The following FAM171A1 variants were observed in gnomAD, a reference collection of about 807,000 sequenced individuals.
FAM171A1 encodes protein FAM171A1.
A neutral mutation model predicts 74.9 loss-of-function variants in FAM171A1; 23 were observed. The ratio of observed to expected loss-of-function variants is 0.31; its 90% confidence interval spans 0.22 to 0.44. FAM171A1 has a LOEUF of 0.44. FAM171A1 is among the 20% of genes least tolerant of loss of function. FAM171A1 has a pLI of 1.00. For synonymous variants in FAM171A1, 527 were observed against 505.7 expected (o/e 1.04, Z -0.57); for missense variants, 1,162 against 1,159.2 (o/e 1.00, Z -0.03).
chr10:15,276,109 G>C (rs1834890831), intron 2 of FAM171A1, among the ~76,000 whole-genome samples, 162 bp from the exon 3 acceptor site: 1 of 152,162 alleles, frequency 6.6e-6, no homozygotes, highest in Non-Finnish European at 1.5e-5. Context: ...AATGCTACAA[G>C]TGTATTGCAG....
At chr10:15,360,429 C>T (rs1172703774) in intron 1 of FAM171A1, among the ~76,000 whole-genome samples, 4 of 152,198 alleles carry the variant, frequency 2.6e-5, no homozygotes, top group Non-Finnish European at 4.4e-5. Flanking sequence ...ACATGCTTCC[C>T]TTTTTTCCCT....
At position 15,278,229 on chromosome 10, in the gene FAM171A1, T is replaced by C. The variant is rs77705865; in HGVS notation, c.326-2282A>G. ...AGAAGCAGCCTGTGCCTTCAAGAGT[T>C]ATGCATTGCAAGGGTACTAGACTTG... On this transcript the variant is annotated intron_variant, in intron 2 of 7. Coordinates refer to ENST00000378116, the MANE Select transcript of FAM171A1 (RefSeq NM_001010924.2). Among the ~76,000 whole-genome samples, 16 of 152,308 alleles carry C rather than the reference T, an allele frequency of 1.1e-4. No homozygotes were observed. In the South Asian group the frequency reaches 2.9e-3, roughly 28 times the overall value.
At chr10:15,269,189 C>T (rs1834789403) in intron 3 of FAM171A1, among the ~76,000 whole-genome samples, 1 of 152,184 alleles carries the variant, frequency 6.6e-6, no homozygotes, top group African/African-American at 2.4e-5. Context: ...TCACGGTTCA[C>T]TGCAGCCTCG....
rs777815809 is a variant in FAM171A1, at chr10:15,214,544, C to T, written c.1044G>A (p.Leu348=). Reference sequence around the variant, plus strand: ...TGGACTGGTCTCTTTTGGAACTCTCCAGTCCTGCAGGGAGCTGCAGTTTTC... The same window carrying T: ...TGGACTGGTCTCTTTTGGAACTCTCTAGTCCTGCAGGGAGCTGCAGTTTTC... ...HHRKLQLPAG[L]ESSKRDQSTS... is the part of the protein sequence containing the mutation. Residue 348 remains leucine (L), a synonymous_variant, in exon 8 of 8, where the codon CTG becomes CTA. Transcript: ENST00000378116. The T allele has an allele frequency of 6.2e-7, 1 of 1,613,896 alleles. No individual in the cohort carries two copies. Among genetic ancestry groups the T allele is most frequent in the South Asian group, 1.1e-5 (1 of 91,020 alleles).
chr10:15,309,311 G>T (rs957980720), intron 1 of FAM171A1, among the ~76,000 whole-genome samples: 2 of 152,168 alleles, frequency 1.3e-5, no homozygotes, highest in Non-Finnish European at 2.9e-5. Flanking sequence ...AGGCTCAAGC[G>T]ATTCTCCCAC....
At chr10:15,234,648 T>C (rs11259563) in intron 5 of FAM171A1, among the ~76,000 whole-genome samples, 20,825 of 151,076 alleles carry the variant, frequency 0.14, 1,516 homozygotes, top group Middle Eastern at 0.18. Flanking sequence ...ACCGATCAGA[T>C]GTACTTTTCT....
chr10:15,329,707 T>A (rs932691535), intron 1 of FAM171A1, among the ~76,000 whole-genome samples: 1 of 150,752 alleles, frequency 6.6e-6, no homozygotes, highest in Non-Finnish European at 1.5e-5. Flanking sequence ...GGGACAGGGA[T>A]ACATATGGCC....
intron 1 of FAM171A1, among the ~76,000 whole-genome samples, chr10:15,315,246 A>C (rs1488518257): frequency 6.6e-6 from 1 of 152,144 alleles, no homozygotes; most frequent in African/African-American, 2.4e-5. Context: ...CTCTGGAGCC[A>C]AGCTGCTCTG....
At chr10:15,238,379 G>A (rs1291231345) in intron 5 of FAM171A1, among the ~76,000 whole-genome samples, 1 of 152,150 alleles carries the variant, frequency 6.6e-6, no homozygotes, top group Non-Finnish European at 1.5e-5. Flanking sequence ...CCAGAGAGGT[G>A]CCTTCGCTAC....
chr10:15,302,347 C>T (rs1193332188), intron 1 of FAM171A1, among the ~76,000 whole-genome samples: 1 of 152,094 alleles, frequency 6.6e-6, no homozygotes, highest in African/African-American at 2.4e-5. Context: ...CGCCTGTAAT[C>T]CCATCTACTT....
chr10:15,299,410 G>C (rs1248087968), intron 1 of FAM171A1, among the ~76,000 whole-genome samples: 1 of 152,178 alleles, frequency 6.6e-6, no homozygotes, highest in Non-Finnish European at 1.5e-5. Flanking sequence ...CTAAACTGGT[G>C]GGGGAAAGAT....
intron 1 of FAM171A1, among the ~76,000 whole-genome samples, chr10:15,329,641 A>G (rs977284183): frequency 2.6e-5 from 4 of 152,098 alleles, no homozygotes; most frequent in Non-Finnish European, 5.9e-5. Context: ...AAAAAAAAAA[A>G]AAAAGGATGA....
intron 1 of FAM171A1, among the ~76,000 whole-genome samples, chr10:15,345,649 G>A (rs1835809883): frequency 6.6e-6 from 1 of 152,150 alleles, no homozygotes. Context: ...GAGGGGGCTG[G>A]GAAGTGAAGC....
At chr10:15,274,205 A>G (rs533022185) in intron 3 of FAM171A1, among the ~76,000 whole-genome samples, 11 of 152,338 alleles carry the variant, frequency 7.2e-5, no homozygotes, top group Non-Finnish European at 1.3e-4. Flanking sequence ...CACAAAATCA[A>G]TGTGCAAAAA....
At chr10:15,359,613 G>A (rs1473593675) in intron 1 of FAM171A1, among the ~76,000 whole-genome samples, 1 of 152,150 alleles carries the variant, frequency 6.6e-6, no homozygotes, top group Non-Finnish European at 1.5e-5. Context: ...AATACATTGT[G>A]TTAAAAAGGG....
At chr10:15,336,755 C>A (rs1835705465) in intron 1 of FAM171A1, among the ~76,000 whole-genome samples, 1 of 152,106 alleles carries the variant, frequency 6.6e-6, no homozygotes, top group Non-Finnish European at 1.5e-5. Flanking sequence ...AACATGTTTT[C>A]TCACAGAACT....
intron 5 of FAM171A1, among the ~76,000 whole-genome samples, chr10:15,244,956 G>A (rs1834412893): frequency 6.6e-6 from 1 of 152,222 alleles, no homozygotes; most frequent in Non-Finnish European, 1.5e-5. Flanking sequence ...AACATGGCTA[G>A]GCCACAGTCC....
chr10:15,328,292 C>G (rs1169624112), intron 1 of FAM171A1, among the ~76,000 whole-genome samples: 3 of 152,056 alleles, frequency 2.0e-5, no homozygotes, highest in Non-Finnish European at 4.4e-5. Context: ...TCACAGGCGC[C>G]CACCACCAAG....
Position 15,371,072 on chromosome 10 carries a change from G to A in FAM171A1, c.-20C>T, listed in dbSNP as rs192904368. On this transcript the variant is annotated 5_prime_UTR_variant, in exon 1 of 8. Transcript: ENST00000378116. ...GCTCATCTCCGCCGCGGGGCCGGCG[G>A]CGGCTCGGGCTCGCCGAGAGCGGGC... 584,378 of 1,047,728 alleles carry A rather than the reference G, an allele frequency of 0.56. 164,901 individuals carry two copies. Among genetic ancestry groups the A allele is most frequent in the East Asian group, 0.8 (7,676 of 9,652 alleles). 64.9% of individuals were successfully genotyped at this position (1,047,728 alleles called of 1,614,324 possible). A position where few individuals can be genotyped will look rare whatever the true frequency, so the allele number is the denominator to read the frequency against.
Sources: gnomAD v4.1 joint callset for allele counts (sites outside exome capture counted in the v4.1 genomes callset) on GRCh38, gnomAD v4.1.1 for gene constraint, MANE v1.5 for transcripts, NCBI Gene and HGNC (gene_info 2026-07-23, HGNC 2026-07-21) for gene names.